Variants in DPYSL5 observed in about 807,000 individuals in gnomAD.
DPYSL5 encodes dihydropyrimidinase like 5, also known as dihydropyrimidinase-related protein 5.
DPYSL5 carries 9 observed loss-of-function variants against 58.4 expected under a neutral mutation model. The ratio of observed to expected loss-of-function variants is 0.15; its 90% CI spans 0.09 to 0.27. The LOEUF (loss-of-function observed/expected upper bound fraction) is 0.27, where lower values mean the gene tolerates loss of function less well. Among genes scored for constraint, DPYSL5 ranks in the 10% least tolerant of loss-of-function variants. The probability of loss-of-function intolerance (pLI) is 1.00; values close to 1 mark genes in which losing one functional copy is unlikely to be tolerated. For synonymous variants in DPYSL5, 293 were observed against 301.9 expected (o/e 0.97, Z 0.31); for missense variants, 499 against 770.6 (o/e 0.65, Z 4.17).
chr2:26,882,111 A>AAAAGAAAG (rs1308139468), intron 1 of DPYSL5, among the ~76,000 whole-genome samples: 13 of 149,142 alleles, frequency 8.7e-5, no homozygotes, highest in African/African-American at 1.5e-4. Flanking sequence ...AAAAAAAAAA[A>AAAAGAAAG]AGAAAGAAAG....
chr2:26,901,432 T>C (rs1664151449), intron 2 of DPYSL5, among the ~76,000 whole-genome samples: 2 of 152,232 alleles, frequency 1.3e-5, no homozygotes, highest in East Asian at 3.9e-4. Flanking sequence ...TTGTGGCTCC[T>C]GCAGCCGAAT....
intron 5 of DPYSL5, among the ~76,000 whole-genome samples, chr2:26,931,199 G>GTATA (rs1287075956): frequency 3.3e-3 from 174 of 52,852 alleles, no homozygotes; most frequent in African/African-American, 8.8e-3. Context: ...GTGTGTGTGT[G>GTATA]TGTGTATATA....
intron 6 of DPYSL5, among the ~76,000 whole-genome samples, chr2:26,932,212 G>GAAAGAAAAGA (rs1553321176): frequency 6.2e-4 from 36 of 58,500 alleles, no homozygotes; most frequent in South Asian, 2.0e-3. Flanking sequence ...AGAAAGAAAA[G>GAAAGAAAAGA]AAAGAAAGAA....
At chr2:26,870,086 G>A (rs543636664) in intron 1 of DPYSL5, among the ~76,000 whole-genome samples, 4 of 152,264 alleles carry the variant, frequency 2.6e-5, no homozygotes, top group South Asian at 2.1e-4. Flanking sequence ...ATCTTACTGC[G>A]TTTTCTGGCA....
At chr2:26,900,458 C>T (rs1216460990) in intron 2 of DPYSL5, among the ~76,000 whole-genome samples, 1 of 152,188 alleles carries the variant, frequency 6.6e-6, no homozygotes, top group Non-Finnish European at 1.5e-5. Context: ...GTGTAATATA[C>T]CACATAGCAA....
At chr2:26,881,146 C>A (rs571537472) in intron 1 of DPYSL5, among the ~76,000 whole-genome samples, 1 of 152,116 alleles carries the variant, frequency 6.6e-6, no homozygotes, top group African/African-American at 2.4e-5. Context: ...AGGTCACTGC[C>A]CTCACCTGTG....
chr2:26,907,530 G>A (rs1046287125), intron 2 of DPYSL5, among the ~76,000 whole-genome samples: 1 of 152,026 alleles, frequency 6.6e-6, no homozygotes, highest in Admixed American at 6.6e-5. Flanking sequence ...ATCAAGTTTG[G>A]ATGTATGGAT....
intron 1 of DPYSL5, among the ~76,000 whole-genome samples, chr2:26,889,944 G>A (rs554050965): frequency 1.3e-5 from 2 of 152,302 alleles, no homozygotes; most frequent in East Asian, 3.9e-4. Context: ...AGGTTACTGG[G>A]GAAGGTGAGC....
intron 1 of DPYSL5, among the ~76,000 whole-genome samples, chr2:26,897,580 T>G (rs1421539560): frequency 1.3e-5 from 2 of 152,240 alleles, no homozygotes; most frequent in Non-Finnish European, 1.5e-5. Flanking sequence ...TCAAGAATTT[T>G]TTATATCTAT....
At chr2:26,850,686 CT>C (rs1374921148) in intron 1 of DPYSL5, among the ~76,000 whole-genome samples, 3 of 152,152 alleles carry the variant, frequency 2.0e-5, no homozygotes, top group Admixed American at 2.0e-4. Flanking sequence ...TCAGGATTTG[CT>C]TTCTTAACAA....
At chr2:26,893,516 C>T (rs186117002) in intron 1 of DPYSL5, among the ~76,000 whole-genome samples, 1 of 152,300 alleles carries the variant, frequency 6.6e-6, no homozygotes, top group East Asian at 1.9e-4. Flanking sequence ...GAGCCTTATC[C>T]TGGACATAGA....
At chr2:26,858,177 T>TA (rs1181477624) in intron 1 of DPYSL5, among the ~76,000 whole-genome samples, 1 of 150,914 alleles carries the variant, frequency 6.6e-6, no homozygotes, top group African/African-American at 2.4e-5. Context: ...AACATTTTTT[T>TA]TTTTTTTTTT....
chr2:26,920,267 TTTA>T (rs1240522122), intron 2 of DPYSL5, among the ~76,000 whole-genome samples: 4 of 152,230 alleles, frequency 2.6e-5, no homozygotes, highest in Non-Finnish European at 1.5e-5. Context: ...GGGTATATGT[TTTA>T]TTATTTTCTG....
chr2:26,940,987 A>G (rs1376175369), intron 9 of DPYSL5, among the ~76,000 whole-genome samples: 4 of 146,580 alleles, frequency 2.7e-5, no homozygotes, highest in Non-Finnish European at 1.5e-5. Context: ...CCCGGGCTGG[A>G]GTACAATGGC....
At chr2:26,914,740 G>A (rs1175018747) in intron 2 of DPYSL5, among the ~76,000 whole-genome samples, 1 of 152,094 alleles carries the variant, frequency 6.6e-6, no homozygotes, top group Non-Finnish European at 1.5e-5. Flanking sequence ...CTGAAATCAG[G>A]GCTTCCTGAA....
In DPYSL5 at chr2:26,905,255, G is replaced by A. The variant is rs982970405; in HGVS notation, c.261+6495G>A. Among the ~76,000 whole-genome samples, 20 of 152,168 alleles carry A rather than the reference G, an allele frequency of 1.3e-4. No homozygotes were observed. Among genetic ancestry groups the A allele is most frequent in the African/African-American group, 3.9e-4 (16 of 41,432 alleles). ...GATGTCAGCGCCTTAGAGCTAAACA[G>A]TTTTTACTATGTATAAATGGTGTTT... is the stretch of plus-strand genomic sequence containing the variant. On this transcript the variant is annotated intron_variant, in intron 2 of 12. Transcript: ENST00000288699. This position sits in a 1 kb window ranked among gnomAD's most constrained non-coding sequence, Gnocchi z 4.0.
At chr2:26,865,831 T>C (rs1339480997) in intron 1 of DPYSL5, among the ~76,000 whole-genome samples, 4 of 152,144 alleles carry the variant, frequency 2.6e-5, no homozygotes, top group Non-Finnish European at 5.9e-5. Context: ...ATGCCAAGTA[T>C]CAACACAGAT....
At chr2:26,932,224 GAAA>G (rs1236475990) in intron 6 of DPYSL5, among the ~76,000 whole-genome samples, 4 of 148,790 alleles carry the variant, frequency 2.7e-5, no homozygotes, top group Admixed American at 6.8e-5. Context: ...AAGAAAGAAA[GAAA>G]GAAAGAAAAC....
rs927691129 is a variant in DPYSL5 at position 26,852,800 on chromosome 2, A to T, written c.-5+4546A>T. On this transcript the variant is annotated intron_variant, in intron 1 of 12. Transcript: ENST00000288699. ...GCCGTGACTTCTGCACCAACTTAACAGTATCTACATCTGGGGTTGTTCTGA... is the reference window on the plus strand; with the variant it reads ...GCCGTGACTTCTGCACCAACTTAACTGTATCTACATCTGGGGTTGTTCTGA... Among the ~76,000 whole-genome samples the T allele has an allele frequency of 2.6e-5, 4 of 152,190 alleles. No individual in the cohort carries two copies. In the South Asian group the frequency reaches 8.3e-4, roughly 31 times the overall value.
Sources: allele counts gnomAD v4.1 joint callset (sites outside exome capture counted in the v4.1 genomes callset), GRCh38; gene constraint gnomAD v4.1.1; non-coding constraint Gnocchi (gnomAD v3.1); transcripts MANE v1.5; gene names NCBI Gene and HGNC (gene_info 2026-07-23, HGNC 2026-07-21).